EYS: variants seen among roughly 807,000 people sequenced by gnomAD.
The protein encoded by EYS is EGF-like photoreceptor maintenance factor, also known as protein eyes shut homolog.
A neutral mutation model predicts 282.1 loss-of-function variants in EYS; 250 were observed. That is an observed-to-expected ratio of 0.89 (90% CI 0.80 to 0.98). The LOEUF (loss-of-function observed/expected upper bound fraction) is 0.98, where lower values mean the gene tolerates loss of function less well. Among genes scored for constraint, EYS ranks in the 50% least tolerant of loss-of-function variants. The pLI, the probability that EYS is intolerant of heterozygous loss-of-function variation, is 0.00. For synonymous variants in EYS, 1,355 were observed against 1,282.9 expected (o/e 1.06, Z -1.20); for missense variants, 4,016 against 3,709.0 (o/e 1.08, Z -2.15).
chr6:63,832,294 G>T (rs563798842), intron 36 of EYS, among the ~76,000 whole-genome samples: 80 of 152,138 alleles, frequency 5.3e-4, no homozygotes, highest in African/African-American at 1.9e-3. Context: ...TTTTTGAAAA[G>T]ATCAACAAAA....
Position 64,938,817 on chromosome 6 carries a change from T to C in EYS, c.2381+6976A>G, listed in dbSNP as rs1768997160. ...TTTTTGTCAATATACAATGGGTTTA[T>C]CAGAAAAATAACCCTATTGTAAGTT... On this transcript the variant is annotated intron_variant, in intron 15 of 42. Coordinates refer to ENST00000503581, the MANE Select transcript of EYS (RefSeq NM_001142800.2). Among the ~76,000 whole-genome samples the C allele has an allele frequency of 2.0e-5, 3 of 151,684 alleles. No homozygotes were observed. The Admixed American group carries it at 2.0e-4, about 10-fold the overall frequency.
chr6:64,495,995 C>T (rs980798885), intron 26 of EYS, among the ~76,000 whole-genome samples: 1 of 151,706 alleles, frequency 6.6e-6, no homozygotes, highest in Non-Finnish European at 1.5e-5. Flanking sequence ...ACATATTTTT[C>T]CTACTAGAAG....
intron 12 of EYS, among the ~76,000 whole-genome samples, chr6:65,211,387 T>G (rs560924632): frequency 6.6e-6 from 1 of 152,184 alleles, no homozygotes; most frequent in East Asian, 1.9e-4. Flanking sequence ...GAAGACTAGC[T>G]TTCTATCTGA....
chr6:63,806,218 C>G lies in EYS; in HGVS notation c.7383G>C (p.Leu2461Phe), dbSNP rs1352291059. The G allele has an allele frequency of 1.9e-6, 3 of 1,551,270 alleles. No individual in the cohort carries two copies. The highest frequency in any genetic ancestry group is 1.4e-5 in the African/African-American group (1 of 73,020). The change falls in exon 37 of 43, where the codon TTG (leucine) becomes TTC (phenylalanine). Residue 2461 changes from leucine to phenylalanine, a missense_variant. Physicochemically the swap from Leu to Phe is conservative, Grantham distance 22. Coordinates refer to ENST00000503581, the MANE Select transcript of EYS (RefSeq NM_001142800.2). ...GGCCTTTCTGTCCAGTAAAAAATAT[C>G]AAGTTATTTTGCAGTGCTGAGTGGT... ...ANNHSALQNN[L>F]IFFTGQKGHG...
chr6:65,391,582 A>G (rs1388981804), intron 7 of EYS, among the ~76,000 whole-genome samples: 1 of 152,164 alleles, frequency 6.6e-6, no homozygotes, highest in African/African-American at 2.4e-5. Context: ...TGCTTCAAAG[A>G]GAATAAAATA....
At position 64,861,617 on chromosome 6, in the gene EYS, G is replaced by A. The variant is rs1000924340; in HGVS notation, c.2992+25080C>T. Among the ~76,000 whole-genome samples, 4 of 152,234 alleles carry A rather than the reference G, an allele frequency of 2.6e-5. No individual in the cohort carries two copies. In the South Asian group the frequency reaches 8.3e-4, roughly 32 times the overall value. On this transcript the variant is annotated intron_variant, in intron 19 of 42. Transcript: ENST00000503581. ...GCTTCCACCCTGCCATCTCAGAAAA[G>A]GGCAGGGCTTCCACCTGGTCCTAAC...
intron 31 of EYS, among the ~76,000 whole-genome samples, chr6:64,219,191 ACT>A (rs1348467013): frequency 4.6e-5 from 7 of 152,068 alleles, no homozygotes; most frequent in South Asian, 4.1e-4. Context: ...GACCTTGAAG[ACT>A]CTAGCTTTGA....
chr6:64,491,389 C>G (rs1227994724), intron 26 of EYS, among the ~76,000 whole-genome samples: 1 of 150,700 alleles, frequency 6.6e-6, no homozygotes, highest in Non-Finnish European at 1.5e-5. Context: ...TTAGATTTTT[C>G]AAATTATTAT....
intron 37 of EYS, among the ~76,000 whole-genome samples, chr6:63,796,109 T>C (rs558141781): frequency 1.3e-5 from 2 of 152,294 alleles, no homozygotes; most frequent in Admixed American, 6.5e-5. Flanking sequence ...GTCTGTGCTT[T>C]GGAGAGACTT....
At chr6:64,088,930 G>A (rs1036771944) in intron 31 of EYS, among the ~76,000 whole-genome samples, 5 of 151,800 alleles carry the variant, frequency 3.3e-5, no homozygotes, top group African/African-American at 7.3e-5. Context: ...CAAATACAAT[G>A]GGTCACAAAT....
chr6:65,292,103 A>G (rs1768542999), intron 12 of EYS, among the ~76,000 whole-genome samples: 1 of 151,748 alleles, frequency 6.6e-6, no homozygotes, highest in Admixed American at 6.6e-5. Context: ...AAGGAAGACT[A>G]CAATATCATG....
At chr6:64,647,486 A>T (rs1312434919) in intron 22 of EYS, among the ~76,000 whole-genome samples, 1 of 152,174 alleles carries the variant, frequency 6.6e-6, no homozygotes, top group Non-Finnish European at 1.5e-5. Context: ...CAACAACTTT[A>T]TAAACTATTA....
At chr6:65,237,046 C>T (rs1381924495) in intron 12 of EYS, among the ~76,000 whole-genome samples, 1 of 152,156 alleles carries the variant, frequency 6.6e-6, no homozygotes, top group Non-Finnish European at 1.5e-5. Context: ...AATATATTAA[C>T]ACGTTTTTAC....
chr6:65,519,610 G>A (rs1159990041), intron 2 of EYS, among the ~76,000 whole-genome samples: 1 of 139,978 alleles, frequency 7.1e-6, no homozygotes, highest in Non-Finnish European at 1.5e-5. Flanking sequence ...TAATTTTTAT[G>A]GTCTCTATTA....
intron 35 of EYS, among the ~76,000 whole-genome samples, chr6:63,912,950 A>G (rs1764302327): frequency 6.6e-6 from 1 of 152,168 alleles, no homozygotes; most frequent in African/African-American, 2.4e-5. Flanking sequence ...TCAGGAATTT[A>G]CAGCAGTGCA....
chr6:64,927,524 A>G (rs894271385), intron 15 of EYS, among the ~76,000 whole-genome samples: 2 of 149,056 alleles, frequency 1.3e-5, no homozygotes, highest in Admixed American at 6.6e-5. Context: ...ATTTATGTCA[A>G]AACTCCCCAG....
At chr6:63,909,124 T>A (rs1773855039) in intron 35 of EYS, among the ~76,000 whole-genome samples, 1 of 152,020 alleles carries the variant, frequency 6.6e-6, no homozygotes, top group African/African-American at 2.4e-5. Flanking sequence ...GATGAGAAAT[T>A]TGGGTTTTAT....
At chr6:65,126,209 C>T (rs1435848940) in intron 12 of EYS, among the ~76,000 whole-genome samples, 2 of 152,022 alleles carry the variant, frequency 1.3e-5, no homozygotes. Flanking sequence ...TCTTGCTTTA[C>T]CTTGTGCATT....
At chr6:65,408,673 T>C (rs895558995) in intron 5 of EYS, among the ~76,000 whole-genome samples, 21 of 151,958 alleles carry the variant, frequency 1.4e-4, no homozygotes, top group African/African-American at 4.1e-4. Flanking sequence ...CAAAAATCAA[T>C]TTTTTTGTTT....
Sources: gnomAD v4.1 joint callset for allele counts (sites outside exome capture counted in the v4.1 genomes callset) on GRCh38, gnomAD v4.1.1 for gene constraint, MANE v1.5 for transcripts, NCBI Gene and HGNC (gene_info 2026-07-23, HGNC 2026-07-21) for gene names.